Variants in NLRP7 observed in about 807,000 individuals in gnomAD.
NLRP7 encodes the protein NLR family pyrin domain containing 7.
A neutral mutation model predicts 85.5 loss-of-function variants in NLRP7; 72 were observed. The ratio of observed to expected loss-of-function variants is 0.84; its 90% confidence interval spans 0.70 to 1.02. NLRP7 has a LOEUF of 1.02. Among genes scored for constraint, NLRP7 ranks in the 50% least tolerant of loss-of-function variants. The pLI, the probability that NLRP7 is intolerant of heterozygous loss-of-function variation, is 0.00. For synonymous variants in NLRP7, 550 were observed against 505.2 expected (o/e 1.09, Z -1.19); for missense variants, 1,243 against 1,219.5 (o/e 1.02, Z -0.29).
intron 6 of NLRP7, among the ~76,000 whole-genome samples, 188 bp downstream of exon 6, chr19:54,936,073 G>A (rs989619784): frequency 6.6e-6 from 1 of 152,146 alleles, no homozygotes; most frequent in African/African-American, 2.4e-5. Context: ...TGGATAGCTG[G>A]TTATGCAACA....
At chr19:54,936,412 C>T in exon 6 of NLRP7, 1 of 1,614,108 alleles carries the variant, frequency 6.2e-7, no homozygotes, top group Non-Finnish European at 8.5e-7. Flanking sequence ...TACGCGGTGT[C>T]AGGGGTGACG....
At chr19:54,959,650 A>G (rs1447996751) in intron 1 of NLRP7, among the ~76,000 whole-genome samples, 7 of 151,476 alleles carry the variant, frequency 4.6e-5, no homozygotes, top group Non-Finnish European at 4.4e-5. Flanking sequence ...CCCATTTCCA[A>G]TTTTAGTGTA....
At chr19:54,946,570 A>G (rs1363790064) in intron 1 of NLRP7, among the ~76,000 whole-genome samples, 1 of 151,280 alleles carries the variant, frequency 6.6e-6, no homozygotes, top group African/African-American at 2.4e-5. Flanking sequence ...ACCTCATTGC[A>G]GCCCCCACCT....
intron 1 of NLRP7, among the ~76,000 whole-genome samples, chr19:54,963,462 G>A (rs1244589143): frequency 3.3e-5 from 5 of 151,548 alleles, no homozygotes; most frequent in Non-Finnish European, 7.4e-5. Context: ...GGCCGAGGCG[G>A]GCGGATCACG....
At chr19:54,960,745 G>A (rs1000244410) in intron 1 of NLRP7, among the ~76,000 whole-genome samples, 1 of 151,874 alleles carries the variant, frequency 6.6e-6, no homozygotes, top group African/African-American at 2.4e-5. Context: ...ACAGGCACCC[G>A]CCACCGTGCC....
chr19:54,957,008 GTATT>G (rs150396854), intron 1 of NLRP7, among the ~76,000 whole-genome samples: 35,462 of 150,220 alleles, frequency 0.24, 4,928 homozygotes, highest in African/African-American at 0.39. Context: ...ATGTATGTAT[GTATT>G]TATTTATTTA....
intron 1 of NLRP7, among the ~76,000 whole-genome samples, chr19:54,942,579 A>AGGCGTGGT (rs59129614): frequency 0.96 from 146,115 of 151,898 alleles, 70,323 homozygotes; most frequent in East Asian, 1. Flanking sequence ...CAGAAATTAC[A>AGGCGTGGT]GGCGGGTGCC....
At chr19:54,964,211 GTTTTTTTTTTTTT>G (rs747785772) in intron 1 of NLRP7, among the ~76,000 whole-genome samples, 1 of 52,474 alleles carries the variant, frequency 1.9e-5, no homozygotes, top group African/African-American at 9.0e-5. Flanking sequence ...TTTATATGGT[GTTTTTTTTTTTTT>G]TTTTTTTTTT....
At chr19:54,961,326 G>C (rs2070035203) in intron 1 of NLRP7, among the ~76,000 whole-genome samples, 1 of 151,780 alleles carries the variant, frequency 6.6e-6, no homozygotes, top group Admixed American at 6.6e-5. Context: ...GCCCGGCCAA[G>C]GTGGTGAAAC....
At chr19:54,932,653 GT>G (rs535425008) in intron 8 of NLRP7, among the ~76,000 whole-genome samples, 3 of 151,080 alleles carry the variant, frequency 2.0e-5, no homozygotes, top group East Asian at 3.9e-4. Flanking sequence ...TTTTTGTTGA[GT>G]TTTTTTTTGT....
exon 4 of NLRP7, chr19:54,939,589 G>A (rs770690608): frequency 1.9e-5 from 30 of 1,611,340 alleles, no homozygotes; most frequent in Non-Finnish European, 2.0e-5. Context: ...TCCGCAGCGC[G>A]CCCCGCAGCT....
At chr19:54,943,373 A>T (rs914662999) in intron 1 of NLRP7, among the ~76,000 whole-genome samples, 1 of 151,956 alleles carries the variant, frequency 6.6e-6, no homozygotes. Flanking sequence ...AGGCCGAGGC[A>T]GGCGGATCAC....
chr19:54,936,052 G>A (rs1469153311), intron 6 of NLRP7, among the ~76,000 whole-genome samples: 14 of 152,178 alleles, frequency 9.2e-5, no homozygotes, highest in Admixed American at 9.2e-4. Flanking sequence ...AATTCGGGGT[G>A]TTTCTTTGCA....
At chr19:54,941,645 T>G in exon 2 of NLRP7, 1 of 1,614,032 alleles carries the variant, frequency 6.2e-7, no homozygotes, top group African/African-American at 1.3e-5. Flanking sequence ...TTGAAACTCT[T>G]TAATTCATCC....
At chr19:54,957,280 A>C (rs2069889285) in intron 1 of NLRP7, among the ~76,000 whole-genome samples, 1 of 150,050 alleles carries the variant, frequency 6.7e-6, no homozygotes, top group African/African-American at 2.5e-5. Context: ...TTCGGTTCCC[A>C]AAGTGTTGAG....
exon 10 of NLRP7, chr19:54,923,742 A>C: frequency 6.2e-7 from 1 of 1,612,920 alleles, no homozygotes; most frequent in East Asian, 2.2e-5. Context: ...CAGGCTGCTC[A>C]GCAAAAAAAG....
At chr19:54,929,884 G>A (rs2068598445) in intron 9 of NLRP7, among the ~76,000 whole-genome samples, 2 of 152,052 alleles carry the variant, frequency 1.3e-5, no homozygotes, top group Admixed American at 1.3e-4. Flanking sequence ...GAAGGCCAAG[G>A]CGGGCAGATC....
At chr19:54,964,418 G>A (rs904046015) in intron 1 of NLRP7, among the ~76,000 whole-genome samples, 7 of 148,122 alleles carry the variant, frequency 4.7e-5, no homozygotes, top group African/African-American at 9.9e-5. Context: ...GGGTTTCACC[G>A]TGTTAGCCAG....
chr19:54,946,485 G>A (rs1255161824), intron 1 of NLRP7, among the ~76,000 whole-genome samples: 1 of 149,978 alleles, frequency 6.7e-6, no homozygotes, highest in South Asian at 2.1e-4. Flanking sequence ...GTGAGCCACC[G>A]CGCCCAGCCT....
Sources: allele counts gnomAD v4.1 joint callset (sites outside exome capture counted in the v4.1 genomes callset), GRCh38; gene constraint gnomAD v4.1.1; transcripts MANE v1.5; gene names NCBI Gene and HGNC (gene_info 2026-07-23, HGNC 2026-07-21).